The following ABL1 variants were observed in gnomAD, a reference collection of about 807,000 sequenced individuals.
ABL1 encodes ABL proto-oncogene 1, non-receptor tyrosine kinase, also known as tyrosine-protein kinase ABL1.
ABL1 carries 11 observed loss-of-function variants against 94.7 expected under a neutral mutation model. The ratio of observed to expected loss-of-function variants is 0.12; its 90% CI spans 0.07 to 0.19. ABL1 has a LOEUF of 0.19. Ranked by LOEUF, ABL1 falls within the 10% of genes least tolerant of loss-of-function variation. ABL1 has a pLI of 1.00. For synonymous variants in ABL1, 656 were observed against 622.4 expected, an observed-to-expected ratio of 1.05 and a Z score of -0.80; for missense variants, 1,082 against 1,489.4, an observed-to-expected ratio of 0.73 and a Z score of 4.50.
intron 1 of ABL1, among the ~76,000 whole-genome samples, chr9:130,827,158 T>C (rs370257140): frequency 6.6e-6 from 1 of 152,204 alleles, no homozygotes; most frequent in African/African-American, 2.4e-5. Flanking sequence ...GGGTAGGCCA[T>C]TGGCCGAAAA....
chr9:130,737,777 A>C (rs976591558), intron 1 of ABL1, among the ~76,000 whole-genome samples: 1 of 150,614 alleles, frequency 6.6e-6, no homozygotes, highest in African/African-American at 2.4e-5. Flanking sequence ...GCTTGTGCCT[A>C]CTGTTTGCCC....
intron 1 of ABL1, among the ~76,000 whole-genome samples, chr9:130,721,176 C>T (rs1831509453): frequency 6.6e-6 from 1 of 151,812 alleles, no homozygotes; most frequent in Admixed American, 6.6e-5. Flanking sequence ...GTCAGGAGTT[C>T]GAGACCACCC....
intron 2 of ABL1, 128 bp from the exon 3 acceptor site, chr9:130,854,673 G>A (rs1405429989): frequency 6.1e-6 from 6 of 980,576 alleles, no homozygotes; most frequent in Non-Finnish European, 7.5e-6. Context: ...ATATCTTTAT[G>A]TGGACTTGTT....
At chr9:130,811,603 A>G (rs143438639) in intron 1 of ABL1, among the ~76,000 whole-genome samples, 1,644 of 152,294 alleles carry the variant, frequency 0.011, 10 homozygotes, top group Admixed American at 0.025. Flanking sequence ...GATAAAATCT[A>G]TAGTAGCAGA....
rs1341932955 is a variant in ABL1 at position 130,829,875 on chromosome 9, A to C, written c.137-24189A>C. Among the ~76,000 whole-genome samples the C allele has an allele frequency of 3.9e-5, 6 of 152,220 alleles. No individual in the cohort carries two copies. The East Asian group carries it at 1.2e-3, about 29-fold the overall frequency. On this transcript the variant is annotated intron_variant, in intron 1 of 10. Transcript: ENST00000372348. ...GTTTTGGGGGGTTATGGATGGTGAT[A>C]GTATAATACTGCTGTCATAAGTTAA...
At chr9:130,836,148 G>A (rs982394130) in intron 1 of ABL1, among the ~76,000 whole-genome samples, 2 of 152,136 alleles carry the variant, frequency 1.3e-5, no homozygotes, top group Non-Finnish European at 2.9e-5. Flanking sequence ...TTAGGAATTC[G>A]CTCTCTTTTC....
Position 130,887,350 on chromosome 9 carries a change from C to T in ABL1, c.*1667C>T, listed in dbSNP as rs902126454. 1 of 233,382 alleles carries T rather than the reference C, an allele frequency of 4.3e-6. No homozygotes were observed. The highest frequency in any genetic ancestry group is 6.0e-5 in the East Asian group (1 of 16,596). 14.5% of individuals were successfully genotyped at this position (233,382 alleles called of 1,614,324 possible). A position where few individuals can be genotyped will look rare whatever the true frequency, so the allele number is the denominator to read the frequency against. On this transcript the variant is annotated 3_prime_UTR_variant, in exon 11 of 11. Transcript: ENST00000318560. ...GCAGCCGGAGGGAGGCACTAGTCAC[C>T]GACAGCGGCCTTGAAGACAGAGCAA... is the stretch of plus-strand genomic sequence containing the variant.
At chr9:130,750,495 A>G (rs1027079384) in intron 1 of ABL1, among the ~76,000 whole-genome samples, 1 of 135,410 alleles carries the variant, frequency 7.4e-6, no homozygotes, top group African/African-American at 2.8e-5. Context: ...TGTGTTGCCC[A>G]GGCTAGAGTG....
rs754350816 is a variant in ABL1, at chr9:130,872,819, A to G, written c.908-41A>G. ...TTAGACAGTTGTTTGTTCAGTTGGG[A>G]GCGGAGCCACGTGTTGAAGTCCTCG... On this transcript the variant is annotated intron_variant, in intron 5 of 10. Coordinates refer to ENST00000318560, the MANE Select transcript of ABL1 (RefSeq NM_005157.6). This position sits in a 1 kb window ranked among gnomAD's most constrained non-coding sequence, Gnocchi z 5.0. 6 of 1,580,932 alleles carry G rather than the reference A, an allele frequency of 3.8e-6. No homozygotes were observed. The African/African-American group carries it at 4.1e-5, about 11-fold the overall frequency.
chr9:130,831,429 GTC>G (rs1410184199), upstream of ABL1, among the ~76,000 whole-genome samples: 1 of 151,938 alleles, frequency 6.6e-6, no homozygotes, highest in Non-Finnish European at 1.5e-5. Context: ...AAAAAATTCA[GTC>G]TCTCTCCTCT....
intron 1 of ABL1, among the ~76,000 whole-genome samples, chr9:130,776,411 C>T (rs1324740487): frequency 2.0e-5 from 3 of 152,190 alleles, no homozygotes; most frequent in Non-Finnish European, 4.4e-5. Context: ...GCCTGGCCAA[C>T]ATGGCGAAAC....
At chr9:130,757,833 G>A (rs546005127) in intron 1 of ABL1, among the ~76,000 whole-genome samples, 5 of 151,570 alleles carry the variant, frequency 3.3e-5, no homozygotes, top group Non-Finnish European at 7.4e-5. Flanking sequence ...GAGCCACTGC[G>A]CCCGGCCAGG....
chr9:130,756,509 G>A (rs1004061793), intron 1 of ABL1, among the ~76,000 whole-genome samples: 3 of 151,912 alleles, frequency 2.0e-5, no homozygotes, highest in Admixed American at 1.3e-4. Flanking sequence ...ATTTTTCGGC[G>A]TTGCTATATT....
intron 1 of ABL1, among the ~76,000 whole-genome samples, chr9:130,771,232 G>GTATA (rs1455301369): frequency 6.8e-6 from 1 of 147,444 alleles, no homozygotes; most frequent in African/African-American, 2.7e-5. Context: ...ATGTATGTAT[G>GTATA]TGTGTGTGTG....
chr9:130,851,587 T>A (rs1200558218), intron 1 of ABL1, among the ~76,000 whole-genome samples: 1 of 152,004 alleles, frequency 6.6e-6, no homozygotes, highest in Non-Finnish European at 1.5e-5. Flanking sequence ...ATTTTTTTTT[T>A]AAAGATAATT....
exon 1 of ABL1, chr9:130,714,056 A>C (rs1397042994): frequency 2.8e-6 from 1 of 361,930 alleles, no homozygotes; most frequent in African/African-American, 2.1e-5. Flanking sequence ...CGTTTAAAAC[A>C]AATCAAGAAA....
In ABL1 at chr9:130,749,404, G is replaced by A. The variant is rs1304652485; in HGVS notation, c.136+34949G>A. ...AAAGCCCGTTATTTAACCTAAAAAC[G>A]TTAATGGCTCAGAAAACAGAATTAC... On this transcript the variant is annotated intron_variant, in intron 1 of 10. Transcript: ENST00000372348. 2.6e-5 allele frequency among the ~76,000 whole-genome samples: 4 copies of A among 152,162 alleles called. No homozygotes were observed. The South Asian group carries it at 6.2e-4, about 24-fold the overall frequency.
intron 1 of ABL1, among the ~76,000 whole-genome samples, chr9:130,768,457 A>G (rs1832210955): frequency 1.3e-5 from 2 of 152,176 alleles, no homozygotes; most frequent in Admixed American, 1.3e-4. Flanking sequence ...AGGCAGCACC[A>G]AGGAGCAGAA....
intron 1 of ABL1, among the ~76,000 whole-genome samples, chr9:130,761,407 A>G (rs1832113144): frequency 6.6e-6 from 1 of 151,842 alleles, no homozygotes; most frequent in South Asian, 2.1e-4. Context: ...GTCCCTCCCT[A>G]CCCTGAAGCC....
Sources: allele counts gnomAD v4.1 joint callset (sites outside exome capture counted in the v4.1 genomes callset), GRCh38; gene constraint gnomAD v4.1.1; non-coding constraint Gnocchi (gnomAD v3.1); transcripts MANE v1.5; gene names NCBI Gene and HGNC (gene_info 2026-07-23, HGNC 2026-07-21).